Variants in RAD54L2 observed in about 807,000 individuals in gnomAD.
RAD54L2 encodes the protein helicase ARIP4.
A neutral mutation model predicts 138.4 loss-of-function variants in RAD54L2; 27 were observed. That is an observed-to-expected ratio of 0.20 (90% CI 0.14 to 0.27). The LOEUF (loss-of-function observed/expected upper bound fraction) is 0.27. Ranked by LOEUF, RAD54L2 falls within the 10% of genes least tolerant of loss-of-function variation. The pLI, the probability that RAD54L2 is intolerant of heterozygous loss-of-function variation, is 1.00. For synonymous variants in RAD54L2, 644 were observed against 723.2 expected, an observed-to-expected ratio of 0.89 and a Z score of 1.76; for missense variants, 1,396 against 1,890.2, an observed-to-expected ratio of 0.74 and a Z score of 4.85.
At position 51,639,304 on chromosome 3, in the gene RAD54L2, G is replaced by A. The variant is rs1701066160; in HGVS notation, c.1861-115G>A. 3.1e-6 allele frequency: 4 copies of A among 1,289,086 alleles called. No individual in the cohort carries two copies. In the South Asian group the frequency reaches 4.4e-5, roughly 14 times the overall value. The allele number at this position is 1,289,086 out of a possible 1,614,324, so 79.9% of individuals were successfully genotyped here. On this transcript the variant is annotated intron_variant, in intron 12 of 22. Transcript: ENST00000684192. The stretch of plus-strand genomic sequence containing the variant: ...GGGCTCTGACTTTAATTTTTGGTGT[G>A]ACAGTGTTTATTGTGGGACGTGTGT...
At chr3:51,648,909 C>T (rs573162304) in intron 19 of RAD54L2, among the ~76,000 whole-genome samples, 2 of 152,276 alleles carry the variant, frequency 1.3e-5, no homozygotes, top group South Asian at 2.1e-4. Context: ...CAAAGGATCA[C>T]AGCTCCTTGC....
At chr3:51,582,812 G>T (rs958535785) in intron 2 of RAD54L2, among the ~76,000 whole-genome samples, 1 of 151,472 alleles carries the variant, frequency 6.6e-6, no homozygotes. Context: ...AGGCCGGACT[G>T]CGGACTGCAG....
chr3:51,589,111 A>G (rs1040761710), intron 2 of RAD54L2, among the ~76,000 whole-genome samples: 15 of 152,214 alleles, frequency 9.9e-5, no homozygotes, highest in Admixed American at 9.8e-4. Flanking sequence ...TCCATGTACA[A>G]TGGGGTTACA....
Position 51,657,644 on chromosome 3 carries a change from C to T in RAD54L2, c.3291C>T (p.Ser1097=). The T allele has an allele frequency of 6.3e-7, 1 of 1,576,278 alleles. No homozygotes were observed. The highest frequency in any genetic ancestry group is 8.6e-7 in the Non-Finnish European group (1 of 1,158,224). The change falls in exon 21 of 23, where the codon AGC becomes AGT. Residue 1097 remains serine (S), a synonymous_variant. Coordinates refer to ENST00000684192, the MANE Select transcript of RAD54L2 (RefSeq NM_015106.4). ...DVQARINAGE[S]IHIIRGTKGT... ...AGGCAAGAATTAATGCTGGTGAGAG[C>T]ATCCACATCATCCGTGGGACAAAAG...
At chr3:51,646,515 G>A in intron 19 of RAD54L2, 34 bp downstream of exon 19, 6 of 1,543,946 alleles carry the variant, frequency 3.9e-6, no homozygotes, top group Non-Finnish European at 5.3e-6. Context: ...CTGCTGCTGG[G>A]CCAGGCACAA....
chr3:51,630,723 C>T lies in RAD54L2; in HGVS notation c.617C>T (p.Ser206Phe). ...SSRDEVIELS[S>F]GEEDTLHIVD... Reference sequence around the variant, plus strand: ...GTCTCAGAGGTGATTGAACTGAGCTCTGGAGAGGAGGACACTCTGCACATT... The same window carrying T: ...GTCTCAGAGGTGATTGAACTGAGCTTTGGAGAGGAGGACACTCTGCACATT... Residue 206 changes from serine (S) to phenylalanine (F), a missense_variant, in exon 7 of 23, where the codon TCT becomes TTT. Ser to Phe is a radical substitution (Grantham distance 155). Coordinates refer to ENST00000684192, the MANE Select transcript of RAD54L2 (RefSeq NM_015106.4). 2.5e-6 allele frequency: 4 copies of T among 1,613,858 alleles called. No homozygotes were observed. The highest frequency in any genetic ancestry group is 2.5e-6 in the Non-Finnish European group (3 of 1,179,842).
chr3:51,546,606 C>A (rs1698702159), intron 2 of RAD54L2, among the ~76,000 whole-genome samples: 2 of 152,018 alleles, frequency 1.3e-5, no homozygotes, highest in South Asian at 4.1e-4. Context: ...TGCCATTGCA[C>A]TCCAGCCCAG....
intron 3 of RAD54L2, among the ~76,000 whole-genome samples, chr3:51,621,153 A>G (rs569058665): frequency 2.0e-5 from 3 of 152,368 alleles, no homozygotes; most frequent in Admixed American, 6.5e-5. Flanking sequence ...TAAAAACCAT[A>G]ATCATCATGA....
At chr3:51,632,306 G>A (rs1305573585) in intron 7 of RAD54L2, among the ~76,000 whole-genome samples, 1 of 152,030 alleles carries the variant, frequency 6.6e-6, no homozygotes. Flanking sequence ...TGTTGTTGTT[G>A]TTGTTGAGAC....
intron 14 of RAD54L2, 142 bp from the exon 15 acceptor site, chr3:51,641,607 G>C: frequency 1.7e-6 from 1 of 575,246 alleles, no homozygotes; most frequent in Non-Finnish European, 3.1e-6. Flanking sequence ...TTGAGCCACC[G>C]TGCCCAACCT....
intron 3 of RAD54L2, among the ~76,000 whole-genome samples, chr3:51,602,366 A>G (rs79060772): frequency 1.3e-5 from 2 of 152,312 alleles, no homozygotes; most frequent in East Asian, 3.9e-4. Flanking sequence ...CTCCCTTTAG[A>G]TGAACCATTA....
In RAD54L2 at chr3:51,583,718, C is replaced by T. The variant is rs182301804; in HGVS notation, c.-54-6649C>T. 9.2e-5 allele frequency among the ~76,000 whole-genome samples: 14 copies of T among 151,972 alleles called. No homozygotes were observed. The East Asian group carries it at 1.7e-3, about 19-fold the overall frequency. On this transcript the variant is annotated intron_variant, in intron 2 of 22. Transcript: ENST00000684192. ...CTGGGATTACAGGCATGAGCCACCA[C>T]GCCCGGCCGACAAGTGGTAGCTTCT...
chr3:51,651,429 C>T (rs1701432189), intron 19 of RAD54L2, among the ~76,000 whole-genome samples: 1 of 152,192 alleles, frequency 6.6e-6, no homozygotes, highest in Admixed American at 6.5e-5. Context: ...CTCCCTCACT[C>T]ATTTTATGAG....
intron 2 of RAD54L2, among the ~76,000 whole-genome samples, chr3:51,589,672 A>ATG (rs1699795100): frequency 1.1e-5 from 1 of 94,814 alleles, no homozygotes; most frequent in South Asian, 4.2e-4. Context: ...ATACATATAT[A>ATG]TATATATATA....
chr3:51,586,458 G>A (rs374032593), intron 2 of RAD54L2, among the ~76,000 whole-genome samples: 176 of 148,830 alleles, frequency 1.2e-3, no homozygotes, highest in African/African-American at 4.1e-3. Flanking sequence ...AGTCTCTGTC[G>A]CCACCACACA....
Position 51,646,464 on chromosome 3 carries a change from C to T in RAD54L2, c.3009C>T (p.Ala1003=). Residue 1003 remains alanine, a synonymous_variant, in exon 19 of 23, where the codon GCC becomes GCT. Coordinates refer to ENST00000684192, the MANE Select transcript of RAD54L2 (RefSeq NM_015106.4). ...ATCAGAGCCTGACCAGCATCCCCGC[C>T]TTCAGCCAGAGAAACTGGTGAGTTG... ...ASDQSLTSIP[A]FSQRNWQPTL... is the part of the protein sequence containing the mutation. 6.2e-7 allele frequency: 1 copy of T among 1,608,758 alleles called. No individual in the cohort carries two copies. Among genetic ancestry groups the T allele is most frequent in the Non-Finnish European group, 8.5e-7 (1 of 1,176,748 alleles).
chr3:51,560,028 G>A (rs1328752093), intron 2 of RAD54L2, among the ~76,000 whole-genome samples: 1 of 152,204 alleles, frequency 6.6e-6, no homozygotes, highest in African/African-American at 2.4e-5. Flanking sequence ...CAGAGCTGTG[G>A]ATGCCATTAT....
At chr3:51,614,061 T>C (rs13325153) in intron 3 of RAD54L2, among the ~76,000 whole-genome samples, 6,767 of 152,272 alleles carry the variant, frequency 0.044, 499 homozygotes, top group African/African-American at 0.15. Context: ...TGAGAAACCC[T>C]GTGTAGCCCT....
At chr3:51,563,809 T>TA (rs1271365938) in intron 2 of RAD54L2, among the ~76,000 whole-genome samples, 1 of 152,158 alleles carries the variant, frequency 6.6e-6, no homozygotes, top group African/African-American at 2.4e-5. Context: ...AAGGCCCAGG[T>TA]GTGGGAGGAT....
Sources: gnomAD v4.1 joint callset for allele counts (sites outside exome capture counted in the v4.1 genomes callset) on GRCh38, gnomAD v4.1.1 for gene constraint, MANE v1.5 for transcripts, NCBI Gene and HGNC (gene_info 2026-07-23, HGNC 2026-07-21) for gene names.